Variants in SPTA1 observed in about 807,000 individuals in gnomAD.
SPTA1 encodes the protein spectrin alpha, erythrocytic 1, also known as spectrin alpha chain, erythrocytic 1.
In SPTA1, 177 loss-of-function variants were observed where a neutral mutation model predicts 324.7. The ratio of observed to expected loss-of-function variants is 0.55; its 90% CI spans 0.48 to 0.62. The LOEUF (loss-of-function observed/expected upper bound fraction) is 0.62. Among genes scored for constraint, SPTA1 ranks in the 20% least tolerant of loss-of-function variants. The pLI is 0.00. For missense variants in SPTA1, 3,162 were observed against 2,883.6 expected, an observed-to-expected ratio of 1.10 and a Z score of -2.21; for synonymous variants, 1,195 against 1,041.3, an observed-to-expected ratio of 1.15 and a Z score of -2.84.
chr1:158,668,075 G>T lies in SPTA1; in HGVS notation c.1834-13C>A. ...AGTTCTGTATGTCCTGAGATAAGAT[G>T]AAAAAAAAAAAAAAAACCATTACCT... On this transcript the variant is annotated splice_polypyrimidine_tract_variant and intron_variant, in intron 14 of 51. Transcript: ENST00000643759. The T allele has an allele frequency of 4.7e-5, 69 of 1,476,220 alleles. No homozygotes were observed. Among genetic ancestry groups the T allele is most frequent in the Non-Finnish European group, 5.9e-5 (64 of 1,085,674 alleles). The allele number at this position is 1,476,220 out of a possible 1,614,324, so 91.4% of individuals were successfully genotyped here. A position where few individuals can be genotyped will look rare whatever the true frequency, so the allele number is the denominator to read the frequency against.
intron 19 of SPTA1, 107 bp from the exon 20 acceptor site, chr1:158,656,763 TGCTTTCCATCTATC>T: frequency 9.7e-7 from 1 of 1,027,046 alleles, no homozygotes; most frequent in Non-Finnish European, 1.5e-6. Context: ...TGGTAAAAGC[TGCTTTCCATCTATC>T]ATAAAGTTAT....
intron 8 of SPTA1, among the ~76,000 whole-genome samples, chr1:158,675,330 A>G (rs547247586): frequency 6.6e-6 from 1 of 152,234 alleles, no homozygotes; most frequent in African/African-American, 2.4e-5. Flanking sequence ...CTTGTATTGC[A>G]TGTCTTTCAG....
At chr1:158,633,657 T>C (rs1402600497) in intron 39 of SPTA1, among the ~76,000 whole-genome samples, 6 of 127,424 alleles carry the variant, frequency 4.7e-5, no homozygotes, top group African/African-American at 1.6e-4. Flanking sequence ...TGAGACTCTG[T>C]CTCGAAAAAA....
rs755751030 is a variant in SPTA1 at position 158,645,562 on chromosome 1, C to A, written c.3929G>T (p.Gly1310Val). 14 of 1,613,902 alleles carry A rather than the reference C, an allele frequency of 8.7e-6. No homozygotes were observed. Among genetic ancestry groups the A allele is most frequent in the Admixed American group, 8.3e-5 (5 of 59,978 alleles). ...GGCCAGCTCCTGTGATGATACCATG[C>A]CACCAATGCTACTGATCCAGTTCTG... ...DLQNWISSIGGMVSSQELAED... is the reference protein window; with the variant it reads ...DLQNWISSIGVMVSSQELAED... Residue 1310 changes from glycine to valine, a missense_variant, in exon 28 of 52, where the codon GGC becomes GTC. Transcript: ENST00000643759.
Position 158,677,685 on chromosome 1 carries a change from A to C in SPTA1, c.957+5T>G, listed in dbSNP as rs751174951. ...GGGTTAGCCATTTCTCTAACAGCGC[A>C]TTACCTTGTCACTCATGACAGCAAG... On this transcript the variant is annotated splice_donor_5th_base_variant and intron_variant, in intron 7 of 51. Transcript: ENST00000643759. The C allele has an allele frequency of 1.2e-6, 2 of 1,613,180 alleles. No homozygotes were observed. The highest frequency in any genetic ancestry group is 1.7e-6 in the Non-Finnish European group (2 of 1,179,560).
intron 27 of SPTA1, 33 bp downstream of exon 27, chr1:158,647,506 G>A (rs1007743393): frequency 1.1e-5 from 18 of 1,611,782 alleles, no homozygotes; most frequent in Non-Finnish European, 1.5e-5. Context: ...TCTACTTAGA[G>A]GCCAGACACG....
rs1273653963 is a variant in SPTA1 at position 158,674,406 on chromosome 1, G to T, written c.1273C>A (p.Arg425=). ...HKHEIDSYDD[R]FQSADETGQD... Reference sequence around the variant, plus strand: ...CCAGTCTCATCAGCAGATTGAAATCGGTCATCGTAAGAGTCAATCTCATGC... The same window carrying T: ...CCAGTCTCATCAGCAGATTGAAATCTGTCATCGTAAGAGTCAATCTCATGC... The change falls in exon 10 of 52, where the codon CGA becomes AGA. Residue 425 remains arginine (R), a synonymous_variant. Coordinates refer to ENST00000643759, the MANE Select transcript of SPTA1 (RefSeq NM_003126.4). The T allele has an allele frequency of 3.1e-6, 5 of 1,613,928 alleles. No individual in the cohort carries two copies. The highest frequency in any genetic ancestry group is 4.2e-6 in the Non-Finnish European group (5 of 1,179,964).
chr1:158,686,504 G>T lies in SPTA1; in HGVS notation c.14C>A (p.Pro5Gln). 6.3e-7 allele frequency: 1 copy of T among 1,592,500 alleles called. No homozygotes were observed. Among genetic ancestry groups the T allele is most frequent in the Non-Finnish European group, 8.6e-7 (1 of 1,161,120 alleles). Residue 5 changes from proline to glutamine, a missense_variant, in exon 1 of 52, where the codon CCA becomes CAA. Transcript: ENST00000643759. ...GAAATATGTACTTACGGTTTCCTTT[G>T]GAAATTGCTCCATTTTTCCTAAAGG... MEQF[P>Q]KETVVESSGP...
At chr1:158,658,287 A>G (rs1404541658) in intron 18 of SPTA1, among the ~76,000 whole-genome samples, 4 of 152,202 alleles carry the variant, frequency 2.6e-5, no homozygotes, top group Non-Finnish European at 5.9e-5. Flanking sequence ...ACATTTGGGA[A>G]AGACAAGAGA....
intron 47 of SPTA1, 35 bp downstream of exon 47, chr1:158,617,502 G>T: frequency 6.3e-7 from 1 of 1,576,160 alleles, no homozygotes; most frequent in South Asian, 1.1e-5. Flanking sequence ...TATAATTTTG[G>T]CAATATCTTC....
At chr1:158,639,536 A>C in intron 35 of SPTA1, 46 bp downstream of exon 35, 1 of 1,596,214 alleles carries the variant, frequency 6.3e-7, no homozygotes, top group Non-Finnish European at 8.6e-7. Flanking sequence ...AAGAGCCAGA[A>C]ATATTTCTAT....
chr1:158,654,866 T>C, intron 20 of SPTA1, 118 bp from the exon 21 acceptor site: 4 of 1,377,690 alleles, frequency 2.9e-6, no homozygotes, highest in Non-Finnish European at 4.0e-6. Flanking sequence ...GGCTGGAACC[T>C]CTTACGTGGC....
intron 45 of SPTA1, 29 bp downstream of exon 45, chr1:158,619,193 G>A: frequency 1.3e-6 from 2 of 1,595,998 alleles, no homozygotes; most frequent in African/African-American, 1.3e-5. Flanking sequence ...TGGCACAGGG[G>A]TCATGGTTTG....
In SPTA1 at chr1:158,642,480, A is replaced by G. The variant is rs887997247; in HGVS notation, c.4668T>C (p.His1556=). ...HEVDGRSEQV[H]GVINLGNSLI... is the part of the protein sequence containing the mutation. ...GGGAGTTCCCCAGGTTGATGACGCC[A>G]TGCACCTGCTCAGATCGGCCATCGA... The change falls in exon 33 of 52, where the codon CAT becomes CAC. Residue 1556 remains histidine (H), a synonymous_variant. Transcript: ENST00000643759. The G allele has an allele frequency of 1.2e-6, 2 of 1,613,606 alleles. No individual in the cohort carries two copies. Among genetic ancestry groups the G allele is most frequent in the African/African-American group, 2.7e-5 (2 of 74,884 alleles).
At chr1:158,665,634 T>A (rs1465902483) in intron 16 of SPTA1, among the ~76,000 whole-genome samples, 1 of 152,142 alleles carries the variant, frequency 6.6e-6, no homozygotes, top group Non-Finnish European at 1.5e-5. Context: ...TTGGAGAAAA[T>A]ATCTCTGAAA....
chr1:158,673,033 A>G (rs2101919608), intron 10 of SPTA1, among the ~76,000 whole-genome samples: 1 of 152,178 alleles, frequency 6.6e-6, no homozygotes, highest in Non-Finnish European at 1.5e-5. Context: ...GAGGCAGGAG[A>G]ATCACTGGAA....
At chr1:158,624,463 T>A (rs894810213) in intron 42 of SPTA1, among the ~76,000 whole-genome samples, 1 of 152,194 alleles carries the variant, frequency 6.6e-6, no homozygotes, top group African/African-American at 2.4e-5. Flanking sequence ...TTTGGAACTT[T>A]AAGGTTTAAT....
rs765278715 is a variant in SPTA1, at chr1:158,685,274, G to T, written c.98C>A (p.Thr33Asn). The T allele has an allele frequency of 1.2e-6, 2 of 1,613,688 alleles. No individual in the cohort carries two copies. The highest frequency in any genetic ancestry group is 2.2e-5 in the South Asian group (2 of 91,058). Reference protein sequence around the residue: ...EIQERRQEVLTRYQSFKERVA... With the variant: ...EIQERRQEVLNRYQSFKERVA... Reference sequence around the variant, plus strand: ...CCGCTCCTTGAAACTTTGATACCGAGTCAACACTTCCTGACGCCTCTCCTG... The same window carrying T: ...CCGCTCCTTGAAACTTTGATACCGATTCAACACTTCCTGACGCCTCTCCTG... Residue 33 changes from threonine (T) to asparagine (N), a missense_variant, in exon 2 of 52, where the codon ACT becomes AAT. Thr to Asn is a moderately conservative substitution (Grantham distance 65). Transcript: ENST00000643759.
Position 158,671,227 on chromosome 1 carries a change from A to T in SPTA1, c.1599+116T>A, listed in dbSNP as rs1321508172. The T allele has an allele frequency of 2.3e-4, 171 of 755,144 alleles. No homozygotes were observed. The South Asian group carries it at 2.3e-3, about 10-fold the overall frequency. 46.8% of individuals were successfully genotyped at this position (755,144 alleles called of 1,614,324 possible). A position where few individuals can be genotyped will look rare whatever the true frequency, so the allele number is the denominator to read the frequency against. On this transcript the variant is annotated intron_variant, in intron 12 of 51. Transcript: ENST00000643759. ...AAGAAGAGATGCAACTTGATTAGGG[A>T]TAATCCTCAGGCTATGTCTGGTAGT...
Sources: allele counts gnomAD v4.1 joint callset (sites outside exome capture counted in the v4.1 genomes callset), GRCh38; gene constraint gnomAD v4.1.1; transcripts MANE v1.5; gene names NCBI Gene and HGNC (gene_info 2026-07-23, HGNC 2026-07-21).